Variants in ST8SIA5 observed in about 807,000 individuals in gnomAD.
ST8SIA5 encodes ST8 alpha-N-acetyl-neuraminide alpha-2,8-sialyltransferase 5.
A neutral mutation model predicts 40.2 loss-of-function variants in ST8SIA5; 24 were observed. That is an observed-to-expected ratio of 0.60 (90% CI 0.43 to 0.84). The LOEUF (loss-of-function observed/expected upper bound fraction) is 0.84. ST8SIA5 is among the 40% of genes least tolerant of loss of function. The probability of loss-of-function intolerance (pLI) is 0.00; values close to 1 mark genes in which losing one functional copy is unlikely to be tolerated. For synonymous variants in ST8SIA5, 198 were observed against 201.8 expected (o/e 0.98, Z 0.16); for missense variants, 465 against 498.5 (o/e 0.93, Z 0.64).
intron 1 of ST8SIA5, 43 bp downstream of exon 1, chr18:46,756,335 C>G: frequency 6.2e-7 from 1 of 1,600,698 alleles, no homozygotes; most frequent in Non-Finnish European, 8.5e-7. Context: ...GGGGGCTCGC[C>G]GGCCGGCTCC....
chr18:46,676,725 T>A lies in ST8SIA5; in HGVS notation c.*3317A>T, dbSNP rs1326998598. 1.3e-5 allele frequency: 2 copies of A among 152,230 alleles called. No homozygotes were observed. Among genetic ancestry groups the A allele is most frequent in the African/African-American group, 4.8e-5 (2 of 41,440 alleles). 9.4% of individuals were successfully genotyped at this position (152,230 alleles called of 1,614,324 possible). A position where few individuals can be genotyped will look rare whatever the true frequency, so the allele number is the denominator to read the frequency against. ...TTAGCACAAAGGAAGACATGATGGT[T>A]GTTTTGTTTACGGGAATCGATTTCC... On this transcript the variant is annotated 3_prime_UTR_variant, in exon 7 of 7. Transcript: ENST00000315087.
At chr18:46,716,139 T>C (rs890412291) in intron 1 of ST8SIA5, among the ~76,000 whole-genome samples, 1 of 98,472 alleles carries the variant, frequency 1.0e-5, no homozygotes, top group African/African-American at 3.3e-5. Context: ...TAGATAGATA[T>C]AGTGCTCCAG....
At chr18:46,721,234 A>C (rs2039859464) in intron 1 of ST8SIA5, 1 of 785,334 alleles carries the variant, frequency 1.3e-6, no homozygotes, top group South Asian at 1.7e-5. Flanking sequence ...ACCAAAGTGC[A>C]GGGAGTTTCG....
In ST8SIA5 at chr18:46,674,863, G is replaced by C. The variant is rs2039330506; in HGVS notation, c.*5179C>G. 1 of 152,266 alleles carries C rather than the reference G, an allele frequency of 6.6e-6. No homozygotes were observed. Among genetic ancestry groups the C allele is most frequent in the African/African-American group, 2.4e-5 (1 of 41,430 alleles). 9.4% of individuals were successfully genotyped at this position (152,266 alleles called of 1,614,324 possible). A position where few individuals can be genotyped will look rare whatever the true frequency, so the allele number is the denominator to read the frequency against. Reference sequence around the variant, plus strand: ...ACTTAGGAGTGTGAGGGCCATTCCAGGTGTTTGAACAGAGTGTGCAAAGGT... The same window carrying C: ...ACTTAGGAGTGTGAGGGCCATTCCACGTGTTTGAACAGAGTGTGCAAAGGT... On this transcript the variant is annotated 3_prime_UTR_variant, in exon 7 of 7. Coordinates refer to ENST00000315087, the MANE Select transcript of ST8SIA5 (RefSeq NM_013305.6).
At chr18:46,699,356 C>T (rs1390505856) in intron 2 of ST8SIA5, among the ~76,000 whole-genome samples, 1 of 151,968 alleles carries the variant, frequency 6.6e-6, no homozygotes, top group Non-Finnish European at 1.5e-5. Flanking sequence ...GAGTGATTCT[C>T]TCTTTACTCT....
intron 1 of ST8SIA5, among the ~76,000 whole-genome samples, chr18:46,719,635 C>T (rs941272118): frequency 9.9e-5 from 12 of 121,168 alleles, no homozygotes; most frequent in Admixed American, 7.6e-4. Flanking sequence ...CCCGTCGGTC[C>T]GCCTTGCTCA....
rs560034125 is a variant in ST8SIA5, at chr18:46,684,542, C to T, written c.569+1632G>A. On this transcript the variant is annotated intron_variant, in intron 5 of 6. Coordinates refer to ENST00000315087, the MANE Select transcript of ST8SIA5 (RefSeq NM_013305.6). ...AAAGGCAGAGTGGCTAGGTAACTTA[C>T]GCAAAGTAACACAGCTTTTTCTAAC... Among the ~76,000 whole-genome samples the T allele has an allele frequency of 3.5e-4, 53 of 152,256 alleles. No homozygotes were observed. In the South Asian group the frequency reaches 7.0e-3, roughly 20 times the overall value.
intron 1 of ST8SIA5, among the ~76,000 whole-genome samples, chr18:46,722,745 T>C: frequency 6.6e-6 from 1 of 152,058 alleles, no homozygotes; most frequent in Non-Finnish European, 1.5e-5. Flanking sequence ...ATCAAAAATG[T>C]CTCCAGACAT....
chr18:46,704,822 C>T (rs1327845491), intron 1 of ST8SIA5, among the ~76,000 whole-genome samples, 158 bp from the exon 2 acceptor site: 1 of 152,214 alleles, frequency 6.6e-6, no homozygotes, highest in Non-Finnish European at 1.5e-5. Context: ...TCAGGCAGAC[C>T]ATGGGGCCCT....
At chr18:46,732,124 A>T (rs367688829) in intron 1 of ST8SIA5, among the ~76,000 whole-genome samples, 1 of 152,174 alleles carries the variant, frequency 6.6e-6, no homozygotes, top group Non-Finnish European at 1.5e-5. Flanking sequence ...AATGAATCCA[A>T]ACTTGAAACA....
chr18:46,744,440 A>G (rs2040118484), intron 1 of ST8SIA5, among the ~76,000 whole-genome samples: 1 of 152,188 alleles, frequency 6.6e-6, no homozygotes, highest in Non-Finnish European at 1.5e-5. Context: ...ACAGACTTTA[A>G]GCCAACAAAG....
At chr18:46,718,383 C>G (rs116273684) in intron 1 of ST8SIA5, among the ~76,000 whole-genome samples, 46 of 151,558 alleles carry the variant, frequency 3.0e-4, no homozygotes, top group African/African-American at 1.1e-3. Context: ...TAAATCAGTT[C>G]CCCTAAGGAT....
At chr18:46,709,446 G>C (rs1452477644) in intron 1 of ST8SIA5, among the ~76,000 whole-genome samples, 1 of 152,150 alleles carries the variant, frequency 6.6e-6, no homozygotes, top group African/African-American at 2.4e-5. Flanking sequence ...AAGCTATTTT[G>C]TTATGGCAGC....
intron 1 of ST8SIA5, among the ~76,000 whole-genome samples, chr18:46,717,019 A>T (rs1599128567): frequency 6.6e-6 from 1 of 151,886 alleles, no homozygotes; most frequent in South Asian, 2.1e-4. Flanking sequence ...TGTCTGGGGG[A>T]CTCCTGCCTC....
At chr18:46,756,069 C>T (rs1004397016) in intron 1 of ST8SIA5, among the ~76,000 whole-genome samples, 2 of 152,340 alleles carry the variant, frequency 1.3e-5, no homozygotes, top group African/African-American at 4.8e-5. Flanking sequence ...GACACCGCTC[C>T]GATCCATGCG....
chr18:46,694,898 TC>T lies in ST8SIA5; in HGVS notation c.225-2644del, dbSNP rs2039541982. Among the ~76,000 whole-genome samples, 4 of 151,368 alleles carry T rather than the reference TC, an allele frequency of 2.6e-5. No individual in the cohort carries two copies. In the South Asian group the frequency reaches 8.4e-4, roughly 32 times the overall value. The stretch of plus-strand genomic sequence containing the variant: ...TTTAGGCCGGGCGCAGTGGCTCACG[TC>T]TCTAATCCCAGCACTTTGGGAGGCC... On this transcript the variant is annotated intron_variant, in intron 2 of 6. Transcript: ENST00000315087.
chr18:46,683,934 T>C (rs2039421870), intron 5 of ST8SIA5, among the ~76,000 whole-genome samples: 1 of 152,042 alleles, frequency 6.6e-6, no homozygotes, highest in African/African-American at 2.4e-5. Context: ...CAAGGCAGGG[T>C]GGAGGACGGG....
chr18:46,673,381 G>C lies in ST8SIA5; in HGVS notation c.*6661C>G, dbSNP rs1007509705. ...TGTATGTACAGAAAAGGCAGAAGTTGGGTTGTGTGCCAAATTCTTCTTTTC... is the reference window on the plus strand; with the variant it reads ...TGTATGTACAGAAAAGGCAGAAGTTCGGTTGTGTGCCAAATTCTTCTTTTC... On this transcript the variant is annotated 3_prime_UTR_variant, in exon 7 of 7. Transcript: ENST00000315087. 4 of 152,136 alleles carry C rather than the reference G, an allele frequency of 2.6e-5. No individual in the cohort carries two copies. Among genetic ancestry groups the C allele is most frequent in the African/African-American group, 9.7e-5 (4 of 41,438 alleles). 9.4% of individuals were successfully genotyped at this position (152,136 alleles called of 1,614,324 possible).
In ST8SIA5 at chr18:46,677,580, C is replaced by T. The variant is rs1055282222; in HGVS notation, c.*2462G>A. The T allele has an allele frequency of 5.3e-5, 8 of 152,184 alleles. No individual in the cohort carries two copies. The highest frequency in any genetic ancestry group is 2.1e-4 in the South Asian group (1 of 4,830). 9.4% of individuals were successfully genotyped at this position (152,184 alleles called of 1,614,324 possible). A position where few individuals can be genotyped will look rare whatever the true frequency, so the allele number is the denominator to read the frequency against. The stretch of plus-strand genomic sequence containing the variant: ...GACGCTGAAGATTTTTACAAAGCTT[C>T]TAGTTGTAGAGATGAGGAAACTGAG... On this transcript the variant is annotated 3_prime_UTR_variant, in exon 7 of 7. Coordinates refer to ENST00000315087, the MANE Select transcript of ST8SIA5 (RefSeq NM_013305.6).
Sources: gnomAD v4.1 joint callset for allele counts (sites outside exome capture counted in the v4.1 genomes callset) on GRCh38, gnomAD v4.1.1 for gene constraint, MANE v1.5 for transcripts, NCBI Gene and HGNC (gene_info 2026-07-23, HGNC 2026-07-21) for gene names.